Variants in TJP3 observed in about 807,000 individuals in gnomAD.
The protein encoded by TJP3 is tight junction protein ZO-3.
Under a neutral mutation model 104.2 loss-of-function variants are expected in TJP3, and 85 were observed. The observed-to-expected ratio is 0.82, with a 90% confidence interval of 0.68 to 0.98. TJP3 has a LOEUF of 0.98. Ranked by LOEUF, TJP3 falls within the 50% of genes least tolerant of loss-of-function variation. TJP3 has a pLI of 0.00. For missense variants in TJP3, 1,367 were observed against 1,322.8 expected (o/e 1.03, Z -0.52); for synonymous variants, 550 against 550.6 (o/e 1.00, Z 0.02).
At chr19:3,737,357 G>A (rs192444988) in intron 11 of TJP3, among the ~76,000 whole-genome samples, 6 of 152,048 alleles carry the variant, frequency 3.9e-5, no homozygotes, top group East Asian at 1.9e-4. Context: ...TGTGTTGACC[G>A]TGTCATGACC....
At position 3,738,851 on chromosome 19, in the gene TJP3, T is replaced by TCAGGCAGCAGCC. The variant is rs1182563447; in HGVS notation, c.1394-37_1394-26dup. ...CACTCTCGGGTGGGGAGGGCTCAGA[T>TCAGGCAGCAGCC]CAGGCAGCAGCCCAGGCAGCTCATG... On this transcript the variant is annotated intron_variant, in intron 12 of 20. Coordinates refer to ENST00000541714, the MANE Select transcript of TJP3 (RefSeq NM_001267560.2). 1.5e-5 allele frequency: 23 copies of TCAGGCAGCAGCC among 1,516,664 alleles called. 1 individual carries two copies. The highest frequency in any genetic ancestry group is 1.9e-5 in the Non-Finnish European group (21 of 1,113,044). 94.0% of individuals were successfully genotyped at this position (1,516,664 alleles called of 1,614,324 possible).
intron 1 of TJP3, among the ~76,000 whole-genome samples, chr19:3,720,050 GC>G (rs1241348009): frequency 6.6e-6 from 1 of 152,106 alleles, no homozygotes; most frequent in Non-Finnish European, 1.5e-5. Flanking sequence ...TGGCCTCTAC[GC>G]CCCTTTTAAT....
chr19:3,730,309 C>G lies in TJP3; in HGVS notation c.262-46C>G. 6.7e-7 allele frequency: 1 copy of G among 1,494,388 alleles called. No individual in the cohort carries two copies. The highest frequency in any genetic ancestry group is 9.0e-7 in the Non-Finnish European group (1 of 1,116,358). The allele number at this position is 1,494,388 out of a possible 1,614,324, so 92.6% of individuals were successfully genotyped here. On this transcript the variant is annotated intron_variant, in intron 4 of 20. Transcript: ENST00000541714. This position sits in a 1 kb window ranked among gnomAD's most constrained non-coding sequence, Gnocchi z 7.3. ...ACCCGGGGGCTGAGCAGAGCCTCCC[C>G]CAGCCCTTGCCTGTAGCTGACCCTT...
intron 1 of TJP3, among the ~76,000 whole-genome samples, chr19:3,714,938 A>G (rs984414517): frequency 9.9e-5 from 15 of 152,222 alleles, no homozygotes; most frequent in Non-Finnish European, 1.6e-4. Context: ...TTGTTGACTG[A>G]GTGACTGAAT....
chr19:3,718,465 T>G (rs1568378337), intron 1 of TJP3, among the ~76,000 whole-genome samples: 4 of 150,092 alleles, frequency 2.7e-5, no homozygotes, highest in African/African-American at 9.8e-5. Context: ...GTTTTTTTTT[T>G]TTGGGGTGGT....
At position 3,734,299 on chromosome 19, in the gene TJP3, G is replaced by A. The variant is rs2036710528; in HGVS notation, c.878-28G>A. The stretch of plus-strand genomic sequence containing the variant: ...GTCCAGTCCAGAAGGCGTGACCATG[G>A]CTGATGAGATGTCCTCTCCCCCTGC... On this transcript the variant is annotated intron_variant, in intron 7 of 20. Transcript: ENST00000541714. 1.9e-6 allele frequency: 3 copies of A among 1,609,456 alleles called. No homozygotes were observed. The East Asian group carries it at 6.7e-5, about 36-fold the overall frequency.
chr19:3,714,315 G>A (rs2036458301), intron 1 of TJP3, among the ~76,000 whole-genome samples: 1 of 151,720 alleles, frequency 6.6e-6, no homozygotes, highest in African/African-American at 2.4e-5. Flanking sequence ...GAGTAGCTGG[G>A]ATTACAGGCA....
At chr19:3,713,893 T>C (rs2036454413) in intron 1 of TJP3, among the ~76,000 whole-genome samples, 1 of 150,346 alleles carries the variant, frequency 6.7e-6, no homozygotes. Context: ...TTTTTTTTTT[T>C]TTTTTGTATT....
At chr19:3,734,157 G>A (rs1246895604) in intron 7 of TJP3, 170 bp from the exon 8 acceptor site, 1 of 860,512 alleles carries the variant, frequency 1.2e-6, no homozygotes, top group Non-Finnish European at 1.8e-6. Flanking sequence ...GAGTAGCTGG[G>A]ATTATAGGCG....
chr19:3,718,209 AAAAGTGTGTGTGTGT>A (rs1254141661), intron 1 of TJP3, among the ~76,000 whole-genome samples: 1 of 103,148 alleles, frequency 9.7e-6, no homozygotes, highest in Non-Finnish European at 2.0e-5. Flanking sequence ...AAAAAAAAAA[AAAAGTGTGTGTGTGT>A]GTGTGTGTGT....
At chr19:3,728,760 A>C (rs2036633286) in intron 3 of TJP3, 47 bp downstream of exon 3, 2 of 1,588,114 alleles carry the variant, frequency 1.3e-6, no homozygotes, top group Non-Finnish European at 1.7e-6. Flanking sequence ...GCACGTGGAG[A>C]GGAGAAACCA....
intron 14 of TJP3, 85 bp from the exon 15 acceptor site, chr19:3,743,854 G>A: frequency 8.1e-7 from 1 of 1,232,090 alleles, no homozygotes; most frequent in Non-Finnish European, 1.2e-6. Context: ...TTTACTATAA[G>A]GAAGTGGAGG....
At position 3,746,255 on chromosome 19, in the gene TJP3, G is replaced by A. The variant is rs556110067; in HGVS notation, c.2010+174G>A. Reference sequence around the variant, plus strand: ...GGCCCGAGACAGACAAGGGCTTCTCGGAGTCAAACAGCAGCCAGCCCTGGG... The same window carrying A: ...GGCCCGAGACAGACAAGGGCTTCTCAGAGTCAAACAGCAGCCAGCCCTGGG... On this transcript the variant is annotated intron_variant, in intron 16 of 20. Coordinates refer to ENST00000541714, the MANE Select transcript of TJP3 (RefSeq NM_001267560.2). This position sits in a 1 kb window ranked among gnomAD's most constrained non-coding sequence, Gnocchi z 4.1. Among the ~76,000 whole-genome samples, 4 of 152,148 alleles carry A rather than the reference G, an allele frequency of 2.6e-5. No individual in the cohort carries two copies. Among genetic ancestry groups the A allele is most frequent in the South Asian group, 2.1e-4 (1 of 4,818 alleles).
rs763685614 is a variant in TJP3 at position 3,748,100 on chromosome 19, G to A, written c.2610+19G>A. 9.8e-6 allele frequency: 15 copies of A among 1,533,642 alleles called. No individual in the cohort carries two copies. Among genetic ancestry groups the A allele is most frequent in the Admixed American group, 2.0e-5 (1 of 50,210 alleles). On this transcript the variant is annotated intron_variant, in intron 19 of 20. Transcript: ENST00000541714. ...GGCCCAGGTGCGTCGGACATGGGGG[G>A]CAGGCCTGGGAAGGGTCTCCGGAGG...
At chr19:3,712,595 C>T (rs2036443226) in intron 1 of TJP3, among the ~76,000 whole-genome samples, 1 of 152,276 alleles carries the variant, frequency 6.6e-6, no homozygotes, top group East Asian at 1.9e-4. Flanking sequence ...ATGGGCTCTG[C>T]TTTTCTCTCT....
In TJP3 at chr19:3,730,310, C is replaced by T. The variant is rs201414296; in HGVS notation, c.262-45C>T. ...CCCGGGGGCTGAGCAGAGCCTCCCC[C>T]AGCCCTTGCCTGTAGCTGACCCTTC... is the stretch of plus-strand genomic sequence containing the variant. On this transcript the variant is annotated intron_variant, in intron 4 of 20. Coordinates refer to ENST00000541714, the MANE Select transcript of TJP3 (RefSeq NM_001267560.2). The surrounding 1 kb of genome is among the most constrained non-coding windows in gnomAD (Gnocchi z 7.3). 16 of 1,496,976 alleles carry T rather than the reference C, an allele frequency of 1.1e-5. No individual in the cohort carries two copies. The East Asian group carries it at 3.4e-4, about 32-fold the overall frequency. The allele number at this position is 1,496,976 out of a possible 1,614,324, so 92.7% of individuals were successfully genotyped here. A position where few individuals can be genotyped will look rare whatever the true frequency, so the allele number is the denominator to read the frequency against.
At chr19:3,713,093 G>T (rs2036447783) in intron 1 of TJP3, among the ~76,000 whole-genome samples, 1 of 151,964 alleles carries the variant, frequency 6.6e-6, no homozygotes, top group Admixed American at 6.6e-5. Flanking sequence ...CCCCCATGAG[G>T]TCCTCCAGCC....
In TJP3 at chr19:3,729,040, G is replaced by A. The variant is rs370920604; in HGVS notation, c.158+327G>A. Among the ~76,000 whole-genome samples, 33 of 152,232 alleles carry A rather than the reference G, an allele frequency of 2.2e-4. No homozygotes were observed. In the East Asian group the frequency reaches 6.0e-3, roughly 28 times the overall value. On this transcript the variant is annotated intron_variant, in intron 3 of 20. Coordinates refer to ENST00000541714, the MANE Select transcript of TJP3 (RefSeq NM_001267560.2). ...TGCACTCCAGCCTGGGTGACAGAGT[G>A]AGACTCTGTCTCAAAAAGAAAGTAA...
At chr19:3,743,570 GCAGTGGGCCAGATGTGGCCC>G in intron 14 of TJP3, 1 of 187,298 alleles carries the variant, frequency 5.3e-6, no homozygotes. Flanking sequence ...ACGAACACAT[GCAGTGGGCCAGATGTGGCCC>G]TCAGGTTGTA....
Sources: gnomAD v4.1 joint callset for allele counts (sites outside exome capture counted in the v4.1 genomes callset) on GRCh38, gnomAD v4.1.1 for gene constraint, Gnocchi (gnomAD v3.1) non-coding constraint, MANE v1.5 for transcripts, NCBI Gene and HGNC (gene_info 2026-07-23, HGNC 2026-07-21) for gene names.